KCNG3: variants seen among roughly 807,000 people sequenced by gnomAD.
KCNG3 encodes the protein voltage-gated potassium channel regulatory subunit KCNG3.
Under a neutral mutation model 29.0 loss-of-function variants are expected in KCNG3, and 15 were observed. The ratio of observed to expected loss-of-function variants is 0.52; its 90% confidence interval spans 0.35 to 0.80. The LOEUF (loss-of-function observed/expected upper bound fraction) is 0.80, where lower values mean the gene tolerates loss of function less well. Among genes scored for constraint, KCNG3 ranks in the 30% least tolerant of loss-of-function variants. KCNG3 has a pLI of 0.01. For missense variants in KCNG3, 512 were observed against 605.7 expected, an observed-to-expected ratio of 0.85 and a Z score of 1.62; for synonymous variants, 322 against 248.9, an observed-to-expected ratio of 1.29 and a Z score of -2.76.
chr2:42,467,038 C>A (rs1264620163), intron 1 of KCNG3, among the ~76,000 whole-genome samples: 2 of 152,034 alleles, frequency 1.3e-5, no homozygotes, highest in African/African-American at 4.8e-5. Context: ...TAGGCAGGAG[C>A]CACTGCGCCC....
chr2:42,455,565 T>C (rs879926041), intron 1 of KCNG3, among the ~76,000 whole-genome samples: 3 of 152,142 alleles, frequency 2.0e-5, no homozygotes, highest in Non-Finnish European at 2.9e-5. Flanking sequence ...GATCTTGGAA[T>C]ACAGAGAGAT....
chr2:42,405,471 CTCTGTT>C, the KCNG3 span, among the ~76,000 whole-genome samples: 4 of 151,428 alleles, frequency 2.6e-5, no homozygotes, highest in African/African-American at 9.7e-5. Context: ...CGGCGTCTCA[CTCTGTT>C]TCCCAGGCTG....
At chr2:42,391,098 G>A in the KCNG3 span, among the ~76,000 whole-genome samples, 1 of 152,308 alleles carries the variant, frequency 6.6e-6, no homozygotes, top group Admixed American at 6.5e-5. Flanking sequence ...GCTCTGCCAG[G>A]ATGTGGCTCT....
chr2:42,478,033 GGAGCCTTTACCACA>G (rs1404227364), intron 1 of KCNG3, among the ~76,000 whole-genome samples: 6 of 152,034 alleles, frequency 3.9e-5, no homozygotes, highest in African/African-American at 1.5e-4. Context: ...AGGAGAGCCT[GGAGCCTTTACCACA>G]GGCACGTTCT....
At chr2:42,402,059 T>G in the KCNG3 span, among the ~76,000 whole-genome samples, 1 of 152,170 alleles carries the variant, frequency 6.6e-6, no homozygotes, top group Non-Finnish European at 1.5e-5. Context: ...ATCAGCACAC[T>G]GAGTAAAGAT....
At chr2:42,486,487 T>G (rs993466463) in intron 1 of KCNG3, among the ~76,000 whole-genome samples, 2 of 152,218 alleles carry the variant, frequency 1.3e-5, no homozygotes, top group African/African-American at 4.8e-5. Flanking sequence ...CTGTCACATT[T>G]GGAAGAAAAT....
intron 1 of KCNG3, among the ~76,000 whole-genome samples, chr2:42,492,399 A>T (rs905702833): frequency 1.6e-4 from 24 of 152,174 alleles, no homozygotes; most frequent in African/African-American, 4.6e-4. Flanking sequence ...GAGAGTGCAC[A>T]TTTCACCATA....
chr2:42,412,359 A>G, the KCNG3 span, among the ~76,000 whole-genome samples: 1 of 152,182 alleles, frequency 6.6e-6, no homozygotes, highest in South Asian at 2.1e-4. Context: ...CTTCTTTTGT[A>G]CTTGAAATTC....
the KCNG3 span, among the ~76,000 whole-genome samples, chr2:42,394,348 G>C: frequency 2.4e-4 from 36 of 152,270 alleles, no homozygotes; most frequent in African/African-American, 8.7e-4. Context: ...GTGGATATCA[G>C]GCTTCTCTTT....
downstream of KCNG3, among the ~76,000 whole-genome samples, chr2:42,438,018 T>C (rs555303535): frequency 1.3e-5 from 2 of 151,980 alleles, no homozygotes; most frequent in African/African-American, 2.4e-5. Flanking sequence ...CAGCTCAGAA[T>C]TTGTAACTAT....
chr2:42,446,558 A>T (rs1007526597), intron 1 of KCNG3, among the ~76,000 whole-genome samples: 3 of 152,124 alleles, frequency 2.0e-5, no homozygotes, highest in African/African-American at 7.2e-5. Context: ...CTTTCTCACC[A>T]CTAACTTAAA....
At chr2:42,422,414 CAG>C in the KCNG3 span, among the ~76,000 whole-genome samples, 1 of 152,104 alleles carries the variant, frequency 6.6e-6, no homozygotes, top group Non-Finnish European at 1.5e-5. Context: ...TCCCAGCTTC[CAG>C]AGTGGTGAGG....
At chr2:42,393,135 T>C in the KCNG3 span, among the ~76,000 whole-genome samples, 1 of 151,908 alleles carries the variant, frequency 6.6e-6, no homozygotes, top group East Asian at 1.9e-4. Context: ...CTTCATAGAG[T>C]TGGTAGTAAG....
At chr2:42,440,848 G>A (rs1488565486), downstream of KCNG3, among the ~76,000 whole-genome samples, 1 of 152,164 alleles carries the variant, frequency 6.6e-6, no homozygotes, top group Non-Finnish European at 1.5e-5. Flanking sequence ...CCATTTTAGA[G>A]AATACAAAAC....
intron 1 of KCNG3, among the ~76,000 whole-genome samples, chr2:42,488,624 A>C (rs1195439314): frequency 1.3e-5 from 2 of 148,638 alleles, no homozygotes; most frequent in African/African-American, 5.0e-5. Flanking sequence ...ATATCGGCTT[A>C]CTGCAACCTC....
Position 42,444,353 on chromosome 2 carries a change from A to G in KCNG3, c.892T>C (p.Trp298Arg), listed in dbSNP as rs1236992949. ...LRVLRMMRIFWVIKLARHFIG... is the reference protein window; with the variant it reads ...LRVLRMMRIFRVIKLARHFIG... ...AAGTGACGGGCAAGCTTAATCACCC[A>G]AAAAATCCTCATCATTCTAAGTACC... Residue 298 changes from tryptophan (W) to arginine (R), a missense_variant, in exon 2 of 2, where the codon TGG becomes CGG. Trp to Arg is a moderately radical substitution (Grantham distance 101, BLOSUM62 -3). Coordinates refer to ENST00000306078, the MANE Select transcript of KCNG3 (RefSeq NM_133329.6). This position sits in a 1 kb window ranked among gnomAD's most constrained non-coding sequence, Gnocchi z 5.8. 1 of 1,614,178 alleles carries G rather than the reference A, an allele frequency of 6.2e-7. No homozygotes were observed. The highest frequency in any genetic ancestry group is 8.5e-7 in the Non-Finnish European group (1 of 1,180,022).
chr2:42,413,333 T>C, the KCNG3 span, among the ~76,000 whole-genome samples: 1 of 152,226 alleles, frequency 6.6e-6, no homozygotes, highest in African/African-American at 2.4e-5. Context: ...TCAGAGTCTC[T>C]GCTTTTAATA....
the KCNG3 span, among the ~76,000 whole-genome samples, chr2:42,395,693 G>A: frequency 3.9e-5 from 6 of 152,230 alleles, no homozygotes; most frequent in Non-Finnish European, 8.8e-5. Context: ...GTTGACTCAC[G>A]CCTGTAACCC....
rs561769844 is a variant in KCNG3 at position 42,493,055 on chromosome 2, G to C, written c.447C>G (p.Pro149=). ...EARPGGAEAA[P]SRRWLERMRR... is the part of the protein sequence containing the mutation. ...GCATGCGCTCCAGCCAGCGCCTGGA[G>C]GGAGCCGCCTCGGCCCCGCCGGGGC... Residue 149 remains proline (P), a synonymous_variant, in exon 1 of 2, where the codon CCC becomes CCG. Coordinates refer to ENST00000306078, the MANE Select transcript of KCNG3 (RefSeq NM_133329.6). 33 of 1,526,774 alleles carry C rather than the reference G, an allele frequency of 2.2e-5. No individual in the cohort carries two copies. Among genetic ancestry groups the C allele is most frequent in the Non-Finnish European group, 2.7e-5 (31 of 1,141,574 alleles). 94.6% of individuals were successfully genotyped at this position (1,526,774 alleles called of 1,614,324 possible). A position where few individuals can be genotyped will look rare whatever the true frequency, so the allele number is the denominator to read the frequency against.
Sources: allele counts gnomAD v4.1 joint callset (sites outside exome capture counted in the v4.1 genomes callset), GRCh38; gene constraint gnomAD v4.1.1; non-coding constraint Gnocchi (gnomAD v3.1); transcripts MANE v1.5; gene names NCBI Gene and HGNC (gene_info 2026-07-23, HGNC 2026-07-21).